SULF1: variants seen among roughly 807,000 people sequenced by gnomAD.
SULF1 encodes sulfatase 1.
A neutral mutation model predicts 110.5 loss-of-function variants in SULF1; 46 were observed. That is an observed-to-expected ratio of 0.42 (90% confidence interval 0.33 to 0.53). The LOEUF (loss-of-function observed/expected upper bound fraction) is 0.53. SULF1 is among the 20% of genes least tolerant of loss of function. The pLI is 0.12. For synonymous variants in SULF1, 371 were observed against 387.1 expected (o/e 0.96, Z 0.49); for missense variants, 941 against 1,094.2 (o/e 0.86, Z 1.98).
At chr8:69,530,916 A>G (rs924251030) in intron 3 of SULF1, among the ~76,000 whole-genome samples, 4 of 152,254 alleles carry the variant, frequency 2.6e-5, no homozygotes, top group African/African-American at 7.2e-5. Flanking sequence ...TGAGGTAAAC[A>G]GGTACTTATT....
intron 17 of SULF1, 101 bp from the exon 18 acceptor site, chr8:69,628,070 C>T (rs1810234839): frequency 1.9e-6 from 2 of 1,037,688 alleles, no homozygotes; most frequent in East Asian, 2.4e-5. Context: ...CTTACAACAT[C>T]ACTGCCTTCC....
intron 1 of SULF1, among the ~76,000 whole-genome samples, chr8:69,484,425 A>T (rs1017377820): frequency 1.3e-5 from 2 of 152,202 alleles, no homozygotes; most frequent in African/African-American, 4.8e-5. Context: ...TACATGATCT[A>T]AATACTTAAA....
At chr8:69,597,795 A>G (rs1586508134) in intron 8 of SULF1, among the ~76,000 whole-genome samples, 1 of 152,334 alleles carries the variant, frequency 6.6e-6, no homozygotes, top group East Asian at 1.9e-4. Flanking sequence ...CAATAAGTAG[A>G]GGATGTTTAG....
chr8:69,589,023 T>A lies in SULF1; in HGVS notation c.616T>A (p.Ser206Thr). Reference protein sequence around the residue: ...TNESINYFKMSKRMYPHRPVM... With the variant: ...TNESINYFKMTKRMYPHRPVM... Reference sequence around the variant, plus strand: ...CGAGAGCATTAATTACTTCAAAATGTCTAAGAGAATGTATCCCCATAGGCC... The same window carrying A: ...CGAGAGCATTAATTACTTCAAAATGACTAAGAGAATGTATCCCCATAGGCC... Residue 206 changes from serine (S) to threonine (T), a missense_variant, in exon 8 of 23, where the codon TCT becomes ACT. This residue lies in a region of SULF1 where 822 missense variants were observed against 934.3 expected (regional missense o/e 0.88). Coordinates refer to ENST00000402687, the MANE Select transcript of SULF1 (RefSeq NM_001128205.2). 1 of 1,614,146 alleles carries A rather than the reference T, an allele frequency of 6.2e-7. No individual in the cohort carries two copies. The highest frequency in any genetic ancestry group is 1.1e-5 in the South Asian group (1 of 91,076).
chr8:69,543,124 G>T (rs910756074), intron 3 of SULF1, among the ~76,000 whole-genome samples: 4 of 151,946 alleles, frequency 2.6e-5, no homozygotes, highest in Non-Finnish European at 4.4e-5. Flanking sequence ...CAGACTATTT[G>T]TTTTTTTAAT....
intron 3 of SULF1, among the ~76,000 whole-genome samples, chr8:69,537,055 T>C (rs16936036): frequency 0.015 from 2,238 of 152,316 alleles, 58 homozygotes; most frequent in African/African-American, 0.051. Flanking sequence ...AGGCACTTAA[T>C]GCATGGTTCC....
chr8:69,509,956 A>G (rs1168676289), intron 3 of SULF1, among the ~76,000 whole-genome samples: 1 of 152,214 alleles, frequency 6.6e-6, no homozygotes, highest in Non-Finnish European at 1.5e-5. Flanking sequence ...GTATGACATG[A>G]CTTGTGCATA....
intron 22 of SULF1, among the ~76,000 whole-genome samples, chr8:69,651,209 TGCCCA>T (rs1586639371): frequency 6.6e-6 from 1 of 151,954 alleles, no homozygotes; most frequent in East Asian, 1.9e-4. Flanking sequence ...CCTGCCACCA[TGCCCA>T]GCTAATTTTT....
At chr8:69,495,743 A>G (rs1234161853) in intron 1 of SULF1, 22 bp from the exon 2 acceptor site, 4 of 152,250 alleles carry the variant, frequency 2.6e-5, no homozygotes, top group Middle Eastern at 3.2e-3. Context: ...TACTTATCAA[A>G]AACAAACCCT....
intron 3 of SULF1, among the ~76,000 whole-genome samples, chr8:69,511,724 C>T (rs1046481316): frequency 6.6e-6 from 1 of 152,190 alleles, no homozygotes; most frequent in Non-Finnish European, 1.5e-5. Context: ...CATTGTCACC[C>T]AGAGTCCACA....
intron 3 of SULF1, among the ~76,000 whole-genome samples, chr8:69,550,502 G>A (rs145407794): frequency 2.0e-5 from 3 of 152,206 alleles, no homozygotes; most frequent in African/African-American, 7.2e-5. Context: ...AGGGACTTTT[G>A]GCAGTCACGG....
At chr8:69,595,850 G>A (rs1375047133) in intron 8 of SULF1, among the ~76,000 whole-genome samples, 1 of 152,118 alleles carries the variant, frequency 6.6e-6, no homozygotes, top group Non-Finnish European at 1.5e-5. Flanking sequence ...AATTCCCCAG[G>A]TATAGATTTA....
chr8:69,603,316 A>G lies in SULF1; in HGVS notation c.1186A>G (p.Asn396Asp), dbSNP rs763732024. Residue 396 changes from asparagine to aspartate, a missense_variant, in exon 11 of 23, where the codon AAC (asparagine) becomes GAC (aspartate). Around this residue, in one of 3 missense-constraint regions of SULF1, gnomAD observed 822 missense variants for 934.3 expected, o/e 0.88. Transcript: ENST00000402687. Reference sequence around the variant, plus strand: ...ACTTCTGGACCCAGAAAAGCCAGGTAACAGGTGTGTCATTGTTCCTCCTCT... The same window carrying G: ...ACTTCTGGACCCAGAAAAGCCAGGTGACAGGTGTGTCATTGTTCCTCCTCT... ...LKLLDPEKPG[N>D]RFRTNKKAKI... 1 of 1,614,100 alleles carries G rather than the reference A, an allele frequency of 6.2e-7. No individual in the cohort carries two copies. The highest frequency in any genetic ancestry group is 1.1e-5 in the South Asian group (1 of 91,070).
chr8:69,563,966 A>C lies in SULF1; in HGVS notation c.-10A>C, dbSNP rs369974279. On this transcript the variant is annotated 5_prime_UTR_variant, in exon 5 of 23. Transcript: ENST00000402687. ...CATTTTGTCAGTTTTGCAACATTGG[A>C]CCAAATACAATGAAGTATTCTTGCT... 2.5e-6 allele frequency: 4 copies of C among 1,613,590 alleles called. No individual in the cohort carries two copies. The highest frequency in any genetic ancestry group is 3.4e-6 in the Non-Finnish European group (4 of 1,179,552).
chr8:69,519,885 C>T (rs1223952935), intron 3 of SULF1, among the ~76,000 whole-genome samples: 1 of 152,088 alleles, frequency 6.6e-6, no homozygotes, highest in Non-Finnish European at 1.5e-5. Context: ...AGTCAGACTG[C>T]TGTAAACTAC....
At chr8:69,545,978 A>G (rs1386351586) in intron 3 of SULF1, among the ~76,000 whole-genome samples, 1 of 152,226 alleles carries the variant, frequency 6.6e-6, no homozygotes, top group African/African-American at 2.4e-5. Context: ...TACAGGCGTG[A>G]GCCACCATGT....
Position 69,627,881 on chromosome 8 carries a change from A to G in SULF1, c.2042+15A>G. 1 of 1,593,752 alleles carries G rather than the reference A, an allele frequency of 6.3e-7. No individual in the cohort carries two copies. The highest frequency in any genetic ancestry group is 8.6e-7 in the Non-Finnish European group (1 of 1,165,122). ...AGTAAACAAAGGTGAGCTTGTTTCC[A>G]TCCATGCTCCACTTTCCAAATTCAT... is the stretch of plus-strand genomic sequence containing the variant. On this transcript the variant is annotated intron_variant, in intron 17 of 22. Coordinates refer to ENST00000402687, the MANE Select transcript of SULF1 (RefSeq NM_001128205.2).
chr8:69,474,455 T>C (rs938619509), intron 1 of SULF1, among the ~76,000 whole-genome samples: 9 of 152,188 alleles, frequency 5.9e-5, no homozygotes, highest in Non-Finnish European at 1.3e-4. Flanking sequence ...TGTAAACAGA[T>C]GTGCTTTACC....
rs1212060576 is a variant in SULF1, at chr8:69,659,138, A to G, written c.*603A>G. 2.2e-6 allele frequency: 1 copy of G among 456,662 alleles called. No homozygotes were observed. The highest frequency in any genetic ancestry group is 4.4e-6 in the Non-Finnish European group (1 of 226,982). 28.3% of individuals were successfully genotyped at this position (456,662 alleles called of 1,614,324 possible). On this transcript the variant is annotated 3_prime_UTR_variant, in exon 23 of 23. Coordinates refer to ENST00000402687, the MANE Select transcript of SULF1 (RefSeq NM_001128205.2). ...CCTGGAAAGGACATTTTTGAAGATC[A>G]ACTATATCTTCCTGTGCATTCCGAT...
Sources: allele counts gnomAD v4.1 joint callset (sites outside exome capture counted in the v4.1 genomes callset), GRCh38; gene constraint gnomAD v4.1.1; regional missense constraint gnomAD v4.1.1; transcripts MANE v1.5; gene names NCBI Gene and HGNC (gene_info 2026-07-23, HGNC 2026-07-21).